MTMR12: variants seen among roughly 807,000 people sequenced by gnomAD.
The protein encoded by MTMR12 is myotubularin-related protein 12.
In MTMR12, 33 loss-of-function variants were observed where a neutral mutation model predicts 96.7. The ratio of observed to expected loss-of-function variants is 0.34; its 90% confidence interval spans 0.26 to 0.46. The LOEUF (loss-of-function observed/expected upper bound fraction) is 0.46, where lower values mean the gene tolerates loss of function less well. MTMR12 is among the 20% of genes least tolerant of loss of function. The pLI is 1.00. For missense variants in MTMR12, 721 were observed against 896.1 expected (o/e 0.80, Z 2.49); for synonymous variants, 298 against 327.2 (o/e 0.91, Z 0.96).
chr5:32,284,151 A>AT (rs1750421962), intron 1 of MTMR12, among the ~76,000 whole-genome samples: 3 of 151,766 alleles, frequency 2.0e-5, no homozygotes, highest in Admixed American at 6.6e-5. Context: ...CACAAAAAAA[A>AT]ATTTTTTTTT....
chr5:32,295,428 C>T (rs922014221), intron 1 of MTMR12, among the ~76,000 whole-genome samples: 6 of 152,204 alleles, frequency 3.9e-5, no homozygotes, highest in Admixed American at 2.6e-4. Flanking sequence ...CTGCTGTTTA[C>T]GCGTTATGCA....
intron 1 of MTMR12, among the ~76,000 whole-genome samples, chr5:32,309,239 C>T (rs1218066476): frequency 6.6e-6 from 1 of 152,176 alleles, no homozygotes; most frequent in Non-Finnish European, 1.5e-5. Flanking sequence ...GAAGACTTTC[C>T]ACTTGTAGTT....
At chr5:32,273,179 T>G (rs938822461) in intron 3 of MTMR12, among the ~76,000 whole-genome samples, 2 of 152,132 alleles carry the variant, frequency 1.3e-5, no homozygotes, top group African/African-American at 4.8e-5. Flanking sequence ...GCGGGTGGAT[T>G]TCTTGAGCTC....
intron 8 of MTMR12, among the ~76,000 whole-genome samples, chr5:32,251,910 G>A (rs189196128): frequency 6.6e-6 from 1 of 152,124 alleles, no homozygotes; most frequent in Admixed American, 6.5e-5. Context: ...GGAAAAGGTC[G>A]TCACTGGGAG....
chr5:32,276,873 CTTTTTTTTTTT>C (rs779455702), intron 1 of MTMR12, 131 bp from the exon 2 acceptor site: 311 of 123,680 alleles, frequency 2.5e-3, no homozygotes, highest in South Asian at 0.01. Flanking sequence ...TTACAAGCTA[CTTTTTTTTTTT>C]TTTTTTTTTT....
chr5:32,291,980 G>A (rs1034526507), intron 1 of MTMR12, among the ~76,000 whole-genome samples: 5 of 152,106 alleles, frequency 3.3e-5, no homozygotes, highest in Non-Finnish European at 4.4e-5. Context: ...ATGGACTCAC[G>A]GAATGCCTTA....
At chr5:32,271,168 G>A (rs956957025) in intron 4 of MTMR12, among the ~76,000 whole-genome samples, 4 of 152,222 alleles carry the variant, frequency 2.6e-5, no homozygotes, top group Non-Finnish European at 4.4e-5. Flanking sequence ...TCTGGAGTAA[G>A]CACAAGAACA....
chr5:32,247,794 C>G, intron 10 of MTMR12: 1 of 985,200 alleles, frequency 1.0e-6, no homozygotes, highest in Non-Finnish European at 1.2e-6. Flanking sequence ...ATCACTGCCA[C>G]AATAAGGAGG....
At chr5:32,267,306 G>C (rs1483660069) in intron 6 of MTMR12, among the ~76,000 whole-genome samples, 2 of 151,320 alleles carry the variant, frequency 1.3e-5, no homozygotes, top group Non-Finnish European at 2.9e-5. Context: ...AACCCGGAAG[G>C]TGGAGGTTGC....
intron 6 of MTMR12, among the ~76,000 whole-genome samples, chr5:32,265,057 G>T (rs146208292): frequency 1.3e-5 from 2 of 151,942 alleles, no homozygotes; most frequent in Non-Finnish European, 2.9e-5. Context: ...ATGCAAGGAA[G>T]TCCTTCCCTA....
intron 1 of MTMR12, 130 bp from the exon 2 acceptor site, chr5:32,276,872 ACTTTTTT>A: frequency 3.4e-5 from 10 of 298,302 alleles, no homozygotes; most frequent in Admixed American, 6.8e-5. Flanking sequence ...GTTACAAGCT[ACTTTTTT>A]TTTTTTTTTT....
intron 1 of MTMR12, among the ~76,000 whole-genome samples, chr5:32,294,840 C>G (rs1490922516): frequency 6.6e-6 from 1 of 152,198 alleles, no homozygotes; most frequent in Non-Finnish European, 1.5e-5. Context: ...CTATGCATAG[C>G]TCTTGTGAAA....
At chr5:32,238,446 C>A (rs139074796) in intron 13 of MTMR12, among the ~76,000 whole-genome samples, 191 of 152,264 alleles carry the variant, frequency 1.3e-3, no homozygotes, top group Non-Finnish European at 2.2e-3. Flanking sequence ...CTCCTGTTCT[C>A]CCAAAGTGCT....
intron 13 of MTMR12, 137 bp from the exon 14 acceptor site, chr5:32,235,266 A>G (rs1340334905): frequency 2.9e-6 from 2 of 694,742 alleles, no homozygotes; most frequent in South Asian, 2.6e-5. Flanking sequence ...AGAATACTCC[A>G]TACCATCCCA....
intron 6 of MTMR12, among the ~76,000 whole-genome samples, chr5:32,267,377 GAAAAAA>G (rs751223074): frequency 1.1e-5 from 1 of 89,938 alleles, no homozygotes; most frequent in Non-Finnish European, 2.2e-5. Context: ...CTCCATCTCA[GAAAAAA>G]AAAAAAAAAA....
chr5:32,303,847 C>T (rs1353344859), intron 1 of MTMR12, among the ~76,000 whole-genome samples: 1 of 68,400 alleles, frequency 1.5e-5, no homozygotes, highest in East Asian at 4.2e-4. Context: ...TTTGCCATCT[C>T]AAAAAAAAAA....
intron 7 of MTMR12, among the ~76,000 whole-genome samples, chr5:32,259,013 G>T (rs1749252218): frequency 6.6e-6 from 1 of 152,088 alleles, no homozygotes; most frequent in Admixed American, 6.5e-5. Context: ...TCAGTGAGAG[G>T]TGTGGAGGGT....
chr5:32,265,415 C>G (rs574809881), intron 6 of MTMR12, among the ~76,000 whole-genome samples: 2 of 152,100 alleles, frequency 1.3e-5, no homozygotes, highest in Non-Finnish European at 2.9e-5. Context: ...GTTGGCAGGC[C>G]GAGAAAGTGT....
intron 10 of MTMR12, among the ~76,000 whole-genome samples, chr5:32,246,765 C>T (rs1451262863): frequency 6.6e-6 from 1 of 152,168 alleles, no homozygotes; most frequent in African/African-American, 2.4e-5. Flanking sequence ...CCAAGCTTCA[C>T]CATAAATTCA....
Sources: gnomAD v4.1 joint callset for allele counts (sites outside exome capture counted in the v4.1 genomes callset) on GRCh38, gnomAD v4.1.1 for gene constraint, MANE v1.5 for transcripts, NCBI Gene and HGNC (gene_info 2026-07-23, HGNC 2026-07-21) for gene names.